The following ZNF705B variants were observed in gnomAD, a reference collection of about 807,000 sequenced individuals.
The protein encoded by ZNF705B is zinc finger protein 705B.
ZNF705B carries 1 observed loss-of-function variant against 10.5 expected under a neutral mutation model. The ratio of observed to expected loss-of-function variants is 0.10; its 90% confidence interval spans 0.03 to 0.45. The LOEUF is 0.45. Among genes scored for constraint, ZNF705B ranks in the 20% least tolerant of loss-of-function variants. The pLI is 0.97. For missense variants in ZNF705B, 14 were observed against 84.0 expected (o/e 0.17, Z 3.26); for synonymous variants, 4 against 25.4 (o/e 0.16, Z 2.53).
chr8:7,930,930 C>A (rs1819829396), intron 2 of ZNF705B, among the ~76,000 whole-genome samples: 1 of 128,672 alleles, frequency 7.8e-6, no homozygotes, highest in Non-Finnish European at 1.8e-5. Flanking sequence ...AATTTCAACT[C>A]ACTGCAGCTC....
chr8:7,927,097 A>G (rs1435353059), intron 1 of ZNF705B, among the ~76,000 whole-genome samples: 1 of 118,484 alleles, frequency 8.4e-6, no homozygotes, highest in Non-Finnish European at 2.0e-5. Context: ...AGGAGTTTCT[A>G]TATTATTTTA....
chr8:7,931,273 G>A (rs1166521632), intron 2 of ZNF705B, among the ~76,000 whole-genome samples: 1 of 121,280 alleles, frequency 8.2e-6, no homozygotes, highest in Non-Finnish European at 2.0e-5. Context: ...ACCCCAGATG[G>A]CATGTGCAGA....
chr8:7,931,430 T>C (rs1327794305), intron 2 of ZNF705B, among the ~76,000 whole-genome samples: 1 of 121,534 alleles, frequency 8.2e-6, no homozygotes, highest in African/African-American at 2.5e-5. Context: ...TTGATGGTGA[T>C]AGGTATGGTG....
At chr8:7,927,059 A>G (rs1214830373) in intron 1 of ZNF705B, among the ~76,000 whole-genome samples, 1 of 119,704 alleles carries the variant, frequency 8.4e-6, no homozygotes, top group Non-Finnish European at 2.0e-5. Context: ...TAGGTGTTCA[A>G]GAATGTTCAT....
chr8:7,932,518 T>C (rs1819878326), intron 2 of ZNF705B, among the ~76,000 whole-genome samples: 1 of 121,340 alleles, frequency 8.2e-6, no homozygotes, highest in African/African-American at 2.5e-5. Context: ...CTGCTTCTTT[T>C]CTAGGGAAGC....
intron 2 of ZNF705B, among the ~76,000 whole-genome samples, chr8:7,933,129 T>C (rs1218325311): frequency 6.8e-4 from 75 of 110,232 alleles, no homozygotes; most frequent in African/African-American, 1.8e-3. Context: ...GTGGGCCCAA[T>C]GTAATCATGA....
intron 2 of ZNF705B, among the ~76,000 whole-genome samples, chr8:7,936,423 T>C (rs1167236594): frequency 1.7e-5 from 2 of 118,208 alleles, no homozygotes; most frequent in Non-Finnish European, 4.0e-5. Context: ...CCTAAATCTG[T>C]ATGTTCATCA....
At chr8:7,940,461 A>G (rs1820119498) in intron 2 of ZNF705B, among the ~76,000 whole-genome samples, 1 of 121,840 alleles carries the variant, frequency 8.2e-6, no homozygotes, top group Admixed American at 9.2e-5. Flanking sequence ...AAGAATACAA[A>G]ATCTACCCTT....
At chr8:7,930,496 C>A (rs1306258172) in intron 2 of ZNF705B, 60 bp downstream of exon 2, 1 of 76,316 alleles carries the variant, frequency 1.3e-5, no homozygotes. Flanking sequence ...TGACGTAGGC[C>A]AAATTGATTG....
chr8:7,949,137 G>A lies in ZNF705B; in HGVS notation c.21G>A (p.Val7=). Reference sequence around the variant, plus strand: ...TGTCTGTGATGTTTTAGGAGAAAGTGACTTTTGAAGATGTAGCTATTGACT... The same window carrying A: ...TGTCTGTGATGTTTTAGGAGAAAGTAACTTTTGAAGATGTAGCTATTGACT... The part of the protein sequence containing the change: MHSLEK[V]TFEDVAIDFT... The change falls in exon 4 of 7, where the codon GTG becomes GTA. Residue 7 remains valine (V), a synonymous_variant. Coordinates refer to ENST00000400120, the MANE Select transcript of ZNF705B (RefSeq NM_001193630.1). 3 of 760,212 alleles carry A rather than the reference G, an allele frequency of 3.9e-6. 1 individual carries two copies. The highest frequency in any genetic ancestry group is 1.8e-6 in the Non-Finnish European group (1 of 566,430). The allele number at this position is 760,212 out of a possible 1,614,324, so 47.1% of individuals were successfully genotyped here. A position where few individuals can be genotyped will look rare whatever the true frequency, so the allele number is the denominator to read the frequency against.
Position 7,931,577 on chromosome 8 carries a change from G to A in ZNF705B, c.-72+1141G>A, listed in dbSNP as rs1349946226. Among the ~76,000 whole-genome samples the A allele has an allele frequency of 3.3e-5, 4 of 122,120 alleles. 1 individual carries two copies. The highest frequency in any genetic ancestry group is 1.0e-4 in the African/African-American group (4 of 39,946). 80.1% of individuals were successfully genotyped at this position (122,120 alleles called of 152,430 possible). A position where few individuals can be genotyped will look rare whatever the true frequency, so the allele number is the denominator to read the frequency against. On this transcript the variant is annotated intron_variant, in intron 2 of 6. Coordinates refer to ENST00000400120, the MANE Select transcript of ZNF705B (RefSeq NM_001193630.1). The stretch of plus-strand genomic sequence containing the variant: ...GTTGATCCCCAGCGTCCTGGACAAC[G>A]ACCTTGGGTAGTGGTAGTGACAGCA...
chr8:7,934,720 G>GTGTGTGTGTGTGTT, intron 2 of ZNF705B: 1 of 105,310 alleles, frequency 9.5e-6, no homozygotes, highest in Non-Finnish European at 1.7e-5. Flanking sequence ...GTGTGTGTGT[G>GTGTGTGTGTGTGTT]TTATTTGATT....
intron 2 of ZNF705B, among the ~76,000 whole-genome samples, chr8:7,932,325 A>C (rs4110308): frequency 6.6e-5 from 8 of 120,778 alleles, no homozygotes; most frequent in Middle Eastern, 4.3e-3. Flanking sequence ...TTCCTCGTCA[A>C]TTTGCTGCTG....
chr8:7,928,882 G>A (rs1257485107), intron 1 of ZNF705B, among the ~76,000 whole-genome samples: 9 of 105,686 alleles, frequency 8.5e-5, no homozygotes, highest in African/African-American at 2.4e-4. Flanking sequence ...TCATTTATAA[G>A]TGGGAGCTAG....
chr8:7,927,719 A>C (rs1194769210), intron 1 of ZNF705B, among the ~76,000 whole-genome samples: 2 of 146,026 alleles, frequency 1.4e-5, no homozygotes, highest in Non-Finnish European at 3.1e-5. Flanking sequence ...ATGGCAGAGC[A>C]AAAGTTTTGA....
chr8:7,930,755 G>A (rs1819819728), intron 2 of ZNF705B, among the ~76,000 whole-genome samples: 2 of 114,224 alleles, frequency 1.8e-5, no homozygotes, highest in African/African-American at 2.6e-5. Flanking sequence ...CAAAGCAATG[G>A]CAACGACAAC....
At position 7,928,645 on chromosome 8, in the gene ZNF705B, T is replaced by C. The variant is rs1438392435; in HGVS notation, c.-221-1642T>C. On this transcript the variant is annotated intron_variant, in intron 1 of 6. Transcript: ENST00000400120. ...TACCATAAAAATGCGTTGCACTACA[T>C]GATTAAGAAACTCTTTGGCCCCTAA... is the stretch of plus-strand genomic sequence containing the variant. 6.8e-5 allele frequency among the ~76,000 whole-genome samples: 7 copies of C among 102,440 alleles called. 1 individual carries two copies. Among genetic ancestry groups the C allele is most frequent in the African/African-American group, 1.9e-4 (7 of 36,666 alleles). 67.2% of individuals were successfully genotyped at this position (102,440 alleles called of 152,430 possible).
intron 1 of ZNF705B, among the ~76,000 whole-genome samples, chr8:7,927,769 G>C (rs1819738226): frequency 6.8e-6 from 1 of 147,740 alleles, no homozygotes; most frequent in Non-Finnish European, 1.5e-5. Flanking sequence ...TTATTCTTAG[G>C]TACAAAAAAA....
rs1215878511 is a variant in ZNF705B at position 7,931,885 on chromosome 8, G to T, written c.-72+1449G>T. On this transcript the variant is annotated intron_variant, in intron 2 of 6. Coordinates refer to ENST00000400120, the MANE Select transcript of ZNF705B (RefSeq NM_001193630.1). ...GATGGGGACCAAGCTACACTGGTGA[G>T]TTCAGCTGGTATTGTGACTCTGCAG... 1.6e-5 allele frequency among the ~76,000 whole-genome samples: 2 copies of T among 125,616 alleles called. 1 individual carries two copies. Among genetic ancestry groups the T allele is most frequent in the East Asian group, 4.6e-4 (2 of 4,340 alleles). 82.4% of individuals were successfully genotyped at this position (125,616 alleles called of 152,430 possible). A position where few individuals can be genotyped will look rare whatever the true frequency, so the allele number is the denominator to read the frequency against.
Sources: gnomAD v4.1 joint callset for allele counts (sites outside exome capture counted in the v4.1 genomes callset) on GRCh38, gnomAD v4.1.1 for gene constraint, MANE v1.5 for transcripts, NCBI Gene and HGNC (gene_info 2026-07-23, HGNC 2026-07-21) for gene names.